The following SPATA7 variants were observed in gnomAD, a reference collection of about 807,000 sequenced individuals.
SPATA7 encodes the protein spermatogenesis associated 7.
In SPATA7, 43 loss-of-function variants were observed where a neutral mutation model predicts 51.8. The observed-to-expected ratio is 0.83, with a 90% CI of 0.65 to 1.07. The LOEUF (loss-of-function observed/expected upper bound fraction) is 1.07. Ranked by LOEUF, SPATA7 falls within the 50% of genes least tolerant of loss-of-function variation. The pLI, the probability that SPATA7 is intolerant of heterozygous loss-of-function variation, is 0.00. For synonymous variants in SPATA7, 230 were observed against 252.8 expected, an observed-to-expected ratio of 0.91 and a Z score of 0.86; for missense variants, 683 against 701.3, an observed-to-expected ratio of 0.97 and a Z score of 0.30.
At position 88,469,898 on chromosome 14, in the gene SPATA7, C is replaced by A. The variant is rs1217233825; in HGVS notation, c.*31C>A. On this transcript the variant is annotated 3_prime_UTR_variant, in exon 5 of 5. Transcript: ENST00000556406. The surrounding 1 kb of genome is among the most constrained non-coding windows in gnomAD (Gnocchi z 4.3). The stretch of plus-strand genomic sequence containing the variant: ...ACTGTTCTTCAGAGGCTGAGAAAAT[C>A]ACTTAAGAGAAATAAGTACCTACCT... The A allele has an allele frequency of 1.2e-6, 2 of 1,613,518 alleles. No homozygotes were observed. Among genetic ancestry groups the A allele is most frequent in the East Asian group, 4.5e-5 (2 of 44,874 alleles).
intron 3 of SPATA7, among the ~76,000 whole-genome samples, chr14:88,445,981 C>T (rs2077209150): frequency 1.3e-5 from 2 of 152,170 alleles, no homozygotes; most frequent in Non-Finnish European, 2.9e-5. Flanking sequence ...GCTTTGGTAT[C>T]AGGATGATGC....
intron 3 of SPATA7, among the ~76,000 whole-genome samples, chr14:88,451,555 C>G (rs1425745575): frequency 1.4e-5 from 2 of 146,630 alleles, no homozygotes; most frequent in Non-Finnish European, 3.0e-5. Context: ...GAAAAGGAGT[C>G]TTGCTCTGTC....
chr14:88,459,089 G>T (rs1203770029), downstream of SPATA7, among the ~76,000 whole-genome samples: 1 of 152,216 alleles, frequency 6.6e-6, no homozygotes, highest in African/African-American at 2.4e-5. Context: ...CTGAGAGACA[G>T]TTTGTTATAA....
intron 4 of SPATA7, among the ~76,000 whole-genome samples, chr14:88,403,862 A>G (rs2076135501): frequency 6.6e-6 from 1 of 152,224 alleles, no homozygotes; most frequent in Non-Finnish European, 1.5e-5. Context: ...ACTGTATAAT[A>G]TACTTGAAAT....
intron 4 of SPATA7, among the ~76,000 whole-genome samples, chr14:88,415,008 G>C (rs925151726): frequency 2.0e-5 from 3 of 152,186 alleles, no homozygotes; most frequent in Admixed American, 6.5e-5. Context: ...TCCACATGCA[G>C]ATGAGAAGAA....
chr14:88,431,090 G>A, intron 8 of SPATA7, 82 bp from the exon 9 acceptor site: 1 of 1,186,182 alleles, frequency 8.4e-7, no homozygotes, highest in South Asian at 1.2e-5. Context: ...GCTATTCAGT[G>A]TGTACTAATA....
Position 88,426,716 on chromosome 14 carries a change from C to G in SPATA7, c.845+12C>G, listed in dbSNP as rs1263722337. Reference sequence around the variant, plus strand: ...CAGACTGAATTAAGGTATGACACATCAGCAACCAACAGTAAATCCTTCAGG... The same window carrying G: ...CAGACTGAATTAAGGTATGACACATGAGCAACCAACAGTAAATCCTTCAGG... On this transcript the variant is annotated intron_variant, in intron 6 of 11. Coordinates refer to ENST00000393545, the MANE Select transcript of SPATA7 (RefSeq NM_018418.5). 1.9e-6 allele frequency: 3 copies of G among 1,582,244 alleles called. No homozygotes were observed. Among genetic ancestry groups the G allele is most frequent in the South Asian group, 2.2e-5 (2 of 90,496 alleles).
intron 4 of SPATA7, among the ~76,000 whole-genome samples, chr14:88,411,649 C>T (rs1326284338): frequency 6.6e-6 from 1 of 152,120 alleles, no homozygotes; most frequent in African/African-American, 2.4e-5. Flanking sequence ...CCTTGCGCTT[C>T]CTGGGTGAGG....
At chr14:88,431,574 A>AT (rs2076941964) in intron 9 of SPATA7, among the ~76,000 whole-genome samples, 3 of 152,142 alleles carry the variant, frequency 2.0e-5, no homozygotes, top group Admixed American at 6.5e-5. Flanking sequence ...TCTAGCTATA[A>AT]TTTTGTATCT....
At chr14:88,395,901 T>C (rs1466835191) in intron 3 of SPATA7, among the ~76,000 whole-genome samples, 2 of 152,116 alleles carry the variant, frequency 1.3e-5, no homozygotes, top group Non-Finnish European at 2.9e-5. Flanking sequence ...TGGGACTACA[T>C]TATAAGTATG....
chr14:88,412,024 A>G (rs949276808), intron 4 of SPATA7, among the ~76,000 whole-genome samples: 1 of 151,948 alleles, frequency 6.6e-6, no homozygotes, highest in African/African-American at 2.4e-5. Context: ...ACCTTGCCAC[A>G]TCTACTATTT....
chr14:88,462,742 T>C (rs948575607), intron 4 of SPATA7, among the ~76,000 whole-genome samples: 1 of 152,218 alleles, frequency 6.6e-6, no homozygotes, highest in Non-Finnish European at 1.5e-5. Flanking sequence ...CACCACAAAG[T>C]CATTTAATGA....
chr14:88,469,474 T>C lies in SPATA7; in HGVS notation c.255-373T>C. On this transcript the variant is annotated intron_variant, in intron 4 of 4. Transcript: ENST00000556406. The surrounding 1 kb of genome is among the most constrained non-coding windows in gnomAD (Gnocchi z 4.3). ...TTAACACCTCCAGAGGCAGCTGTCC[T>C]CGGAACAAAGTTAAAGTCACTCACA... The C allele has an allele frequency of 6.4e-7, 1 of 1,571,924 alleles. No homozygotes were observed. Among genetic ancestry groups the C allele is most frequent in the Non-Finnish European group, 8.8e-7 (1 of 1,141,952 alleles).
intron 3 of SPATA7, among the ~76,000 whole-genome samples, chr14:88,393,932 G>A (rs1159665811): frequency 6.6e-6 from 1 of 151,926 alleles, no homozygotes; most frequent in Non-Finnish European, 1.5e-5. Context: ...GAACACATTT[G>A]TATAAATACT....
At chr14:88,431,030 C>G (rs2076924928) in intron 8 of SPATA7, 142 bp from the exon 9 acceptor site, 1 of 835,848 alleles carries the variant, frequency 1.2e-6, no homozygotes. Flanking sequence ...TGGAAATATT[C>G]CAAAATCCAA....
intron 4 of SPATA7, among the ~76,000 whole-genome samples, chr14:88,463,665 A>G (rs963014184): frequency 1.3e-5 from 2 of 152,122 alleles, no homozygotes; most frequent in Admixed American, 6.5e-5. Context: ...AATATTACTA[A>G]AAGTCAACAT....
downstream of SPATA7, among the ~76,000 whole-genome samples, chr14:88,438,926 T>C (rs553127342): frequency 8.5e-5 from 13 of 152,302 alleles, no homozygotes; most frequent in African/African-American, 3.1e-4. Context: ...CTATCACCTT[T>C]ACCGTGTTCT....
At chr14:88,420,046 T>G (rs1159292769) in intron 5 of SPATA7, among the ~76,000 whole-genome samples, 4 of 152,100 alleles carry the variant, frequency 2.6e-5, no homozygotes, top group Non-Finnish European at 5.9e-5. Context: ...TGAAGGGATA[T>G]TTTCCCCTGC....
chr14:88,440,055 G>C (rs578037110), downstream of SPATA7, among the ~76,000 whole-genome samples: 1 of 152,118 alleles, frequency 6.6e-6, no homozygotes, highest in Admixed American at 6.5e-5. Flanking sequence ...TTGCTTCTTG[G>C]GTTCTGTTGT....
Sources: allele counts gnomAD v4.1 joint callset (sites outside exome capture counted in the v4.1 genomes callset), GRCh38; gene constraint gnomAD v4.1.1; non-coding constraint Gnocchi (gnomAD v3.1); transcripts MANE v1.5; gene names NCBI Gene and HGNC (gene_info 2026-07-23, HGNC 2026-07-21).